The following UNC80 variants were observed in gnomAD, a reference collection of about 807,000 sequenced individuals.
UNC80 encodes unc-80 subunit of NALCN channel complex.
In UNC80, 164 loss-of-function variants were observed where a neutral mutation model predicts 384.6. The observed-to-expected ratio is 0.43, with a 90% CI of 0.38 to 0.49. The LOEUF (loss-of-function observed/expected upper bound fraction) is 0.49, where lower values mean the gene tolerates loss of function less well. Among genes scored for constraint, UNC80 ranks in the 20% least tolerant of loss-of-function variants. UNC80 has a pLI of 0.00. For missense variants in UNC80, 3,330 were observed against 4,143.0 expected (o/e 0.80, Z 5.39); for synonymous variants, 1,486 against 1,527.8 (o/e 0.97, Z 0.64).
chr2:209,923,316 A>G (rs577113933), intron 35 of UNC80, among the ~76,000 whole-genome samples: 1 of 152,286 alleles, frequency 6.6e-6, no homozygotes, highest in Admixed American at 6.5e-5. Context: ...TGTCTAATCC[A>G]AGGTCACAAA....
chr2:209,912,714 G>A, intron 30 of UNC80, 47 bp downstream of exon 30: 1 of 1,326,144 alleles, frequency 7.5e-7, no homozygotes, highest in South Asian at 1.3e-5. Flanking sequence ...TTAACAGGGA[G>A]GGGACTCCAG....
chr2:209,879,016 C>T (rs1023961284), intron 24 of UNC80, among the ~76,000 whole-genome samples: 1 of 151,498 alleles, frequency 6.6e-6, no homozygotes, highest in Non-Finnish European at 1.5e-5. Context: ...TATGATCTTC[C>T]TTTCCACGTT....
At position 209,921,675 on chromosome 2, in the gene UNC80, C is replaced by G; in HGVS notation, c.5519C>G (p.Pro1840Arg). The change falls in exon 34 of 65, where the codon CCG (proline) becomes CGG (arginine). Residue 1840 changes from proline (P) to arginine (R), a missense_variant. Physicochemically the swap from Pro to Arg is moderately radical, Grantham distance 103. Coordinates refer to ENST00000673920, the MANE Select transcript of UNC80 (RefSeq NM_001371986.1). ...CCCACATGCACGCCCAACTCAGAACCGGAAGAAGAAGGTGCCCTCTGCACA... is the reference window on the plus strand; with the variant it reads ...CCCACATGCACGCCCAACTCAGAACGGGAAGAAGAAGGTGCCCTCTGCACA... ...YEPTCTPNSE[P>R]EEEVEEVTNL... 1 of 1,549,894 alleles carries G rather than the reference C, an allele frequency of 6.5e-7. No individual in the cohort carries two copies. Among genetic ancestry groups the G allele is most frequent in the Non-Finnish European group, 8.7e-7 (1 of 1,146,330 alleles).
At chr2:209,877,438 G>T (rs2084878989) in intron 23 of UNC80, among the ~76,000 whole-genome samples, 1 of 152,130 alleles carries the variant, frequency 6.6e-6, no homozygotes, top group Non-Finnish European at 1.5e-5. Flanking sequence ...GAGGAAAAAG[G>T]TCTATAAAAG....
Position 209,994,269 on chromosome 2 carries a change from G to A in UNC80, c.9708+5G>A. The A allele has an allele frequency of 6.5e-7, 1 of 1,545,310 alleles. No homozygotes were observed. The highest frequency in any genetic ancestry group is 8.7e-7 in the Non-Finnish European group (1 of 1,143,884). ...CACAGCGTGTCTCCCAAGCAGGTGA[G>A]GGCACTAGAGAAACAGGCAAGGCTT... is the stretch of plus-strand genomic sequence containing the variant. On this transcript the variant is annotated splice_donor_5th_base_variant and intron_variant, in intron 64 of 64. Transcript: ENST00000673920.
At chr2:209,833,923 T>A (rs2081171468) in intron 16 of UNC80, 79 bp from the exon 17 acceptor site, 1 of 1,427,762 alleles carries the variant, frequency 7.0e-7, no homozygotes, top group African/African-American at 1.4e-5. Flanking sequence ...AGGAATTACT[T>A]TCTTCCTCTC....
chr2:209,795,707 A>T (rs994173630), intron 7 of UNC80: 1 of 152,254 alleles, frequency 6.6e-6, no homozygotes, highest in African/African-American at 2.4e-5. Context: ...GTGACTTCAG[A>T]GGGTGGAAGC....
chr2:209,827,342 A>G (rs2080610215), intron 14 of UNC80, among the ~76,000 whole-genome samples: 1 of 152,158 alleles, frequency 6.6e-6, no homozygotes, highest in African/African-American at 2.4e-5. Flanking sequence ...ATAATAAACA[A>G]ACATAATAAA....
Position 209,831,513 on chromosome 2 carries a change from T to C in UNC80, c.2697T>C (p.Ile899=). Residue 899 remains isoleucine (I), a synonymous_variant, in exon 16 of 65, where the codon ATT becomes ATC. Transcript: ENST00000673920. The part of the protein sequence containing the change: ...NKSTAQNVEG[I]IVSAMFKSLI... ...CCACAGCCCAAAATGTGGAAGGCAT[T>C]ATCGTCAGCGCCATGTTTAAATCCC... is the stretch of plus-strand genomic sequence containing the variant. 6.4e-7 allele frequency: 1 copy of C among 1,551,416 alleles called. No individual in the cohort carries two copies. The highest frequency in any genetic ancestry group is 8.7e-7 in the Non-Finnish European group (1 of 1,146,830).
At chr2:209,986,381 G>A (rs1226091574) in intron 61 of UNC80, among the ~76,000 whole-genome samples, 2 of 152,174 alleles carry the variant, frequency 1.3e-5, no homozygotes, top group Non-Finnish European at 2.9e-5. Flanking sequence ...GAAGGCAGGA[G>A]TTTGAGATTG....
In UNC80 at chr2:209,933,994, C is replaced by T; in HGVS notation, c.6167C>T (p.Ala2056Val). ...EQCEVKLLVTASMPGTKTLVV... is the reference protein window; with the variant it reads ...EQCEVKLLVTVSMPGTKTLVV... ...TGTGAGGTGAAGCTCCTGGTGACCG[C>T]TTCAATGCCAGGTAAGCCACTACTA... is the stretch of plus-strand genomic sequence containing the variant. The change falls in exon 39 of 65, where the codon GCT becomes GTT. Residue 2056 changes from alanine to valine, a missense_variant. Coordinates refer to ENST00000673920, the MANE Select transcript of UNC80 (RefSeq NM_001371986.1). The T allele has an allele frequency of 1.3e-6, 2 of 1,543,062 alleles. No individual in the cohort carries two copies. The highest frequency in any genetic ancestry group is 1.8e-6 in the Non-Finnish European group (2 of 1,142,834).
intron 61 of UNC80, among the ~76,000 whole-genome samples, chr2:209,991,854 T>A (rs2093398091): frequency 6.6e-6 from 1 of 152,154 alleles, no homozygotes; most frequent in Non-Finnish European, 1.5e-5. Context: ...AAATTGAGAT[T>A]AGAATATGAC....
intron 61 of UNC80, among the ~76,000 whole-genome samples, chr2:209,987,975 T>G (rs1244888524): frequency 6.6e-6 from 1 of 152,218 alleles, no homozygotes; most frequent in African/African-American, 2.4e-5. Context: ...AAATCAATTC[T>G]CACAGGATAT....
rs189043696 is a variant in UNC80, at chr2:209,831,024, G to C, written c.2627-419G>C. The stretch of plus-strand genomic sequence containing the variant: ...TTAGACAGACTGAACAATTTCCTTT[G>C]AGAAAGTAGCATTTCTCACCACCAG... On this transcript the variant is annotated intron_variant, in intron 15 of 64. Coordinates refer to ENST00000673920, the MANE Select transcript of UNC80 (RefSeq NM_001371986.1). 4.0e-3 allele frequency among the ~76,000 whole-genome samples: 614 copies of C among 151,978 alleles called. 7 individuals carry two copies. Among genetic ancestry groups the C allele is most frequent in the Non-Finnish European group, 2.4e-3 (160 of 67,964 alleles).
chr2:209,965,874 C>T (rs1285285181), intron 51 of UNC80, among the ~76,000 whole-genome samples: 4 of 151,672 alleles, frequency 2.6e-5, no homozygotes, highest in Admixed American at 6.6e-5. Context: ...CTCTTTCAAC[C>T]CTAAGATTCC....
chr2:209,978,458 T>C (rs944733755), intron 58 of UNC80, 71 bp from the exon 59 acceptor site: 2 of 1,317,890 alleles, frequency 1.5e-6, no homozygotes, highest in Admixed American at 4.8e-5. Flanking sequence ...ATACAAGTGG[T>C]CAGGGAGGAC....
intron 26 of UNC80, among the ~76,000 whole-genome samples, chr2:209,892,689 G>T (rs756903134): frequency 6.6e-6 from 1 of 152,086 alleles, no homozygotes. Flanking sequence ...CTGTGCTTCC[G>T]AATCTACTTA....
intron 47 of UNC80, among the ~76,000 whole-genome samples, chr2:209,947,671 A>G (rs2091972683): frequency 6.6e-6 from 1 of 152,200 alleles, no homozygotes; most frequent in Admixed American, 6.5e-5. Context: ...AATAAGTAAC[A>G]TACCTATAGG....
chr2:209,966,499 A>G (rs2092745395), intron 51 of UNC80, among the ~76,000 whole-genome samples: 1 of 152,242 alleles, frequency 6.6e-6, no homozygotes, highest in Non-Finnish European at 1.5e-5. Flanking sequence ...AGTTGGCTTT[A>G]AGGCTATGTA....
Sources: gnomAD v4.1 joint callset for allele counts (sites outside exome capture counted in the v4.1 genomes callset) on GRCh38, gnomAD v4.1.1 for gene constraint, MANE v1.5 for transcripts, NCBI Gene and HGNC (gene_info 2026-07-23, HGNC 2026-07-21) for gene names.